Variants in NSG1 observed in about 807,000 individuals in gnomAD.
NSG1 encodes neuronal vesicle trafficking associated 1.
Under a neutral mutation model 19.3 loss-of-function variants are expected in NSG1, and 9 were observed. That is an observed-to-expected ratio of 0.47 (90% confidence interval 0.28 to 0.81). NSG1 has a LOEUF of 0.81. NSG1 is among the 40% of genes least tolerant of loss of function. The pLI is 0.11. For missense variants in NSG1, 236 were observed against 242.4 expected, an observed-to-expected ratio of 0.97 and a Z score of 0.18; for synonymous variants, 104 against 107.0, an observed-to-expected ratio of 0.97 and a Z score of 0.17.
At chr4:4,387,459 C>G (rs1722781072) in intron 1 of NSG1, 145 bp from the exon 2 acceptor site, 1 of 608,350 alleles carries the variant, frequency 1.6e-6, no homozygotes, top group East Asian at 2.9e-5. Context: ...GCCGTGACCA[C>G]CGCGTCCCCA....
chr4:4,402,014 G>T (rs906029436), intron 3 of NSG1, among the ~76,000 whole-genome samples: 9 of 150,866 alleles, frequency 6.0e-5, no homozygotes, highest in Non-Finnish European at 1.2e-4. Flanking sequence ...CTGAGCAGCT[G>T]GGACCACAGA....
chr4:4,412,760 GA>G (rs2108753955), intron 4 of NSG1, among the ~76,000 whole-genome samples: 1 of 152,296 alleles, frequency 6.6e-6, no homozygotes, highest in East Asian at 1.9e-4. Flanking sequence ...GAACTTCCCA[GA>G]GTCAGTGTGA....
chr4:4,397,343 G>GT (rs1723308197), intron 3 of NSG1, among the ~76,000 whole-genome samples: 1 of 152,126 alleles, frequency 6.6e-6, no homozygotes, highest in Non-Finnish European at 1.5e-5. Context: ...TCTGATGGTT[G>GT]ACCCTGCTGT....
rs1723002934 is a variant in NSG1, at chr4:4,391,660, G to A, written c.246+69G>A. On this transcript the variant is annotated intron_variant, in intron 3 of 4. Coordinates refer to ENST00000621129, the MANE Select transcript of NSG1 (RefSeq NM_014392.5). Reference sequence around the variant, plus strand: ...AAGGGGTCTGCTGAGCTGCATAGATGCCCTGCAGGGAGGGCCAGGGTTTGA... The same window carrying A: ...AAGGGGTCTGCTGAGCTGCATAGATACCCTGCAGGGAGGGCCAGGGTTTGA... The A allele has an allele frequency of 2.4e-5, 25 of 1,051,134 alleles. No individual in the cohort carries two copies. In the East Asian group the frequency reaches 5.9e-4, roughly 25 times the overall value. 65.1% of individuals were successfully genotyped at this position (1,051,134 alleles called of 1,614,324 possible).
intron 3 of NSG1, among the ~76,000 whole-genome samples, chr4:4,395,294 T>G (rs943984595): frequency 2.6e-5 from 4 of 152,132 alleles, no homozygotes; most frequent in Non-Finnish European, 5.9e-5. Context: ...GGGAGATGCG[T>G]TTTGACAAAT....
At chr4:4,403,256 G>C (rs1431609187) in intron 3 of NSG1, among the ~76,000 whole-genome samples, 2 of 152,140 alleles carry the variant, frequency 1.3e-5, no homozygotes, top group East Asian at 3.9e-4. Context: ...TGAAGACGGC[G>C]CACGGGCATT....
intron 3 of NSG1, among the ~76,000 whole-genome samples, chr4:4,395,185 T>A (rs1723190687): frequency 6.6e-6 from 1 of 152,192 alleles, no homozygotes; most frequent in Non-Finnish European, 1.5e-5. Context: ...GGGGTGGATG[T>A]GAGAGGCAGC....
chr4:4,416,190 C>T (rs1724528889), intron 4 of NSG1: 2 of 702,418 alleles, frequency 2.8e-6, no homozygotes, highest in Non-Finnish European at 2.6e-6. Context: ...AAACACTCCG[C>T]ACGTGAACTC....
intron 3 of NSG1, among the ~76,000 whole-genome samples, chr4:4,398,857 G>A (rs1723403895): frequency 6.6e-6 from 1 of 152,202 alleles, no homozygotes. Flanking sequence ...GTATTGTGGA[G>A]TTACCAAACT....
At chr4:4,396,721 TG>T (rs1723269857) in intron 3 of NSG1, among the ~76,000 whole-genome samples, 2 of 125,824 alleles carry the variant, frequency 1.6e-5, no homozygotes, top group Non-Finnish European at 3.4e-5. Context: ...GCCCCTGGTG[TG>T]TTCCCTAATG....
At chr4:4,407,297 T>A (rs1403506310) in intron 3 of NSG1, among the ~76,000 whole-genome samples, 1 of 152,050 alleles carries the variant, frequency 6.6e-6, no homozygotes, top group Non-Finnish European at 1.5e-5. Flanking sequence ...GGGATGTGAA[T>A]CTGCCTGCCA....
rs1724762964 is a variant in NSG1, at chr4:4,419,026, T to G, written c.*1591T>G. ...ATTCATTTACATGTAACTTCTGACA[T>G]TTCACTCTGTGCAAATAAAGAACAT... On this transcript the variant is annotated 3_prime_UTR_variant, in exon 5 of 5. Coordinates refer to ENST00000621129, the MANE Select transcript of NSG1 (RefSeq NM_014392.5). The G allele has an allele frequency of 6.6e-6, 1 of 152,268 alleles. No homozygotes were observed. Among genetic ancestry groups the G allele is most frequent in the Admixed American group, 6.5e-5 (1 of 15,276 alleles). 9.4% of individuals were successfully genotyped at this position (152,268 alleles called of 1,614,324 possible). A position where few individuals can be genotyped will look rare whatever the true frequency, so the allele number is the denominator to read the frequency against.
At chr4:4,396,483 G>A (rs535725693) in intron 3 of NSG1, among the ~76,000 whole-genome samples, 4 of 152,296 alleles carry the variant, frequency 2.6e-5, no homozygotes, top group East Asian at 1.9e-4. Context: ...TCTGAAGGTC[G>A]GCTTTGCACG....
Position 4,415,639 on chromosome 4 carries a change from C to CA in NSG1, c.358-1596_358-1595insA, listed in dbSNP as rs1258124881. The CA allele has an allele frequency of 1.9e-5, 3 of 154,722 alleles. No homozygotes were observed. In the East Asian group the frequency reaches 5.8e-4, roughly 30 times the overall value. The allele number at this position is 154,722 out of a possible 1,614,324, so 9.6% of individuals were successfully genotyped here. Reference sequence around the variant, plus strand: ...GTTGTCTGGGAGGCATCTGGGGACTCCATCTGTCCTTCTCCCTGGGCGGGG... The same window carrying CA: ...GTTGTCTGGGAGGCATCTGGGGACTCACATCTGTCCTTCTCCCTGGGCGGGG... On this transcript the variant is annotated intron_variant, in intron 4 of 4. Transcript: ENST00000621129.
chr4:4,411,232 G>A (rs745533538), intron 4 of NSG1, among the ~76,000 whole-genome samples: 9 of 152,148 alleles, frequency 5.9e-5, no homozygotes, highest in Non-Finnish European at 1.2e-4. Context: ...TTGCACAACT[G>A]TATATTATTT....
chr4:4,412,378 C>T (rs1425937674), intron 4 of NSG1, among the ~76,000 whole-genome samples: 3 of 151,584 alleles, frequency 2.0e-5, no homozygotes, highest in East Asian at 3.9e-4. Context: ...GTTTAAAAGG[C>T]GCTCCAGGTG....
At position 4,418,108 on chromosome 4, in the gene NSG1, G is replaced by A. The variant is rs1157692103; in HGVS notation, c.*673G>A. 1 of 155,274 alleles carries A rather than the reference G, an allele frequency of 6.4e-6. No homozygotes were observed. The highest frequency in any genetic ancestry group is 1.4e-5 in the Non-Finnish European group (1 of 70,226). 9.6% of individuals were successfully genotyped at this position (155,274 alleles called of 1,614,324 possible). On this transcript the variant is annotated 3_prime_UTR_variant, in exon 5 of 5. Coordinates refer to ENST00000621129, the MANE Select transcript of NSG1 (RefSeq NM_014392.5). ...CCACCCATCTGGGTGGAGACAGCTG[G>A]GGTTTGCTCCAGTGTGTGTAGACTG...
At chr4:4,389,875 C>T (rs1421564031) in intron 2 of NSG1, among the ~76,000 whole-genome samples, 22 of 152,128 alleles carry the variant, frequency 1.4e-4, no homozygotes. Flanking sequence ...ACTATTCTGC[C>T]AGTTTTACAG....
chr4:4,396,507 C>T (rs1360020570), intron 3 of NSG1, among the ~76,000 whole-genome samples: 3 of 152,324 alleles, frequency 2.0e-5, no homozygotes, highest in African/African-American at 7.2e-5. Context: ...ACACCTTTCA[C>T]CGCCAGCACA....
Sources: allele counts gnomAD v4.1 joint callset (sites outside exome capture counted in the v4.1 genomes callset), GRCh38; gene constraint gnomAD v4.1.1; transcripts MANE v1.5; gene names NCBI Gene and HGNC (gene_info 2026-07-23, HGNC 2026-07-21).